Variants in FYB1 observed in about 807,000 individuals in gnomAD.
FYB1 encodes FYN-binding protein 1.
A neutral mutation model predicts 94.1 loss-of-function variants in FYB1; 41 were observed. The ratio of observed to expected loss-of-function variants is 0.44; its 90% CI spans 0.34 to 0.57. FYB1 has a LOEUF of 0.57. Ranked by LOEUF, FYB1 falls within the 20% of genes least tolerant of loss-of-function variation. The pLI is 0.02. For missense variants in FYB1, 1,050 were observed against 976.8 expected (o/e 1.07, Z -1.00); for synonymous variants, 367 against 353.2 (o/e 1.04, Z -0.44).
At chr5:39,118,771 A>C in intron 16 of FYB1, 103 bp downstream of exon 16, 1 of 670,334 alleles carries the variant, frequency 1.5e-6, no homozygotes, top group Non-Finnish European at 2.3e-6. Flanking sequence ...GCAAAAAGAT[A>C]GATAAGAGTT....
intron 1 of FYB1, among the ~76,000 whole-genome samples, chr5:39,257,156 A>T (rs1292083986): frequency 6.6e-6 from 1 of 152,228 alleles, no homozygotes; most frequent in African/African-American, 2.4e-5. Context: ...TGTAGCTCAA[A>T]TCTGAGTATA....
intron 4 of FYB1, chr5:39,140,110 T>C (rs1742033756): frequency 6.6e-6 from 1 of 152,212 alleles, no homozygotes; most frequent in Non-Finnish European, 1.5e-5. Context: ...TTAAATAGCA[T>C]GAATTACAAG....
At chr5:39,137,357 C>G (rs1741757173) in intron 7 of FYB1, 1 of 334,908 alleles carries the variant, frequency 3.0e-6, no homozygotes, top group Non-Finnish European at 5.5e-6. Flanking sequence ...TTCACTCAAT[C>G]AACATAAAAT....
intron 1 of FYB1, among the ~76,000 whole-genome samples, chr5:39,271,491 T>A (rs185909277): frequency 6.6e-6 from 1 of 152,192 alleles, no homozygotes. Context: ...GATTCCTTTT[T>A]TGGTGGTTGC....
At chr5:39,130,823 ATTAAG>A (rs1741134470) in intron 9 of FYB1, among the ~76,000 whole-genome samples, 1 of 152,156 alleles carries the variant, frequency 6.6e-6, no homozygotes, top group African/African-American at 2.4e-5. Flanking sequence ...AACAACAAGA[ATTAAG>A]TTAATTATGC....
At chr5:39,250,510 C>T (rs1013308881) in intron 1 of FYB1, among the ~76,000 whole-genome samples, 11 of 152,222 alleles carry the variant, frequency 7.2e-5, no homozygotes, top group South Asian at 6.2e-4. Flanking sequence ...CAAAATAAAA[C>T]AAAAATATCA....
chr5:39,185,615 T>TATAC lies in FYB1; in HGVS notation c.1135+16210_1135+16211insGTAT, dbSNP rs1393708799. 1.6e-3 allele frequency among the ~76,000 whole-genome samples: 228 copies of TATAC among 141,566 alleles called. 1 individual carries two copies. Among genetic ancestry groups the TATAC allele is most frequent in the African/African-American group, 6.3e-3 (219 of 34,832 alleles). The allele number at this position is 141,566 out of a possible 152,430, so 92.9% of individuals were successfully genotyped here. ...ATATATACATATATATACACATATA[T>TATAC]ATATATACACACATATATATATATA... On this transcript the variant is annotated intron_variant, in intron 2 of 18. Transcript: ENST00000512982.
At chr5:39,265,416 G>A (rs981479151) in intron 1 of FYB1, among the ~76,000 whole-genome samples, 11 of 151,872 alleles carry the variant, frequency 7.2e-5, no homozygotes, top group Admixed American at 2.0e-4. Flanking sequence ...CCCGGGAGGC[G>A]GAGCTTTCAG....
chr5:39,228,793 T>C (rs1642521), intron 1 of FYB1, among the ~76,000 whole-genome samples: 21,141 of 152,126 alleles, frequency 0.14, 3,846 homozygotes, highest in African/African-American at 0.4. Flanking sequence ...TGAGAGCTAA[T>C]AAAGCAAGAT....
intron 3 of FYB1, among the ~76,000 whole-genome samples, chr5:39,143,857 A>G (rs990250235): frequency 3.9e-5 from 6 of 152,206 alleles, no homozygotes; most frequent in African/African-American, 1.4e-4. Context: ...ATAGAAAATT[A>G]AAAATTTAAC....
chr5:39,120,380 C>T (rs1739978309), intron 14 of FYB1, among the ~76,000 whole-genome samples: 1 of 152,030 alleles, frequency 6.6e-6, no homozygotes, highest in Non-Finnish European at 1.5e-5. Flanking sequence ...TAGAAATCCA[C>T]TATATTTTGT....
At chr5:39,121,941 A>T (rs1490972626) in intron 14 of FYB1, among the ~76,000 whole-genome samples, 2 of 152,176 alleles carry the variant, frequency 1.3e-5, no homozygotes, top group African/African-American at 2.4e-5. Flanking sequence ...GGTTTGGGGA[A>T]AACAGTATGA....
In FYB1 at chr5:39,210,028, G is replaced by C. The variant is rs1749217895; in HGVS notation, c.-27-7041C>G. Among the ~76,000 whole-genome samples, 4 of 152,376 alleles carry C rather than the reference G, an allele frequency of 2.6e-5. No homozygotes were observed. The South Asian group carries it at 8.3e-4, about 32-fold the overall frequency. On this transcript the variant is annotated intron_variant, in intron 1 of 18. Coordinates refer to ENST00000512982, the MANE Select transcript of FYB1 (RefSeq NM_001465.6). ...CCTCTTCAACAGGATGTGGGAACTT[G>C]ACTCTCGCCGCAAATTAAGTTCTTG...
At chr5:39,266,585 T>C (rs1752446178) in intron 1 of FYB1, among the ~76,000 whole-genome samples, 1 of 152,170 alleles carries the variant, frequency 6.6e-6, no homozygotes, top group Non-Finnish European at 1.5e-5. Context: ...CCTTTTGGCT[T>C]GCTCCCTTCC....
chr5:39,247,407 G>A lies in FYB1; in HGVS notation c.-28+26996C>T, dbSNP rs28523355. 1.7e-4 allele frequency among the ~76,000 whole-genome samples: 26 copies of A among 151,758 alleles called. 1 individual carries two copies. The highest frequency in any genetic ancestry group is 6.8e-3 in the Middle Eastern group (2 of 294). On this transcript the variant is annotated intron_variant, in intron 1 of 1. Transcript: ENST00000510188. The stretch of plus-strand genomic sequence containing the variant: ...TGACACATGATAAAATCTTTAGTAC[G>A]TATGCACAAATAGAGTCCAATATAC...
At chr5:39,159,637 C>T (rs957516450) in intron 2 of FYB1, among the ~76,000 whole-genome samples, 5 of 152,158 alleles carry the variant, frequency 3.3e-5, no homozygotes, top group African/African-American at 9.7e-5. Context: ...TGACTATCTC[C>T]ACTTGCCCTG....
chr5:39,108,032 T>C (rs1026200652), intron 18 of FYB1, among the ~76,000 whole-genome samples, 199 bp downstream of exon 18: 1 of 152,040 alleles, frequency 6.6e-6, no homozygotes, highest in African/African-American at 2.4e-5. Flanking sequence ...TAAATAAGGT[T>C]TTTCCTTAAT....
intron 1 of FYB1, among the ~76,000 whole-genome samples, chr5:39,270,990 G>A (rs143436514): frequency 4.3e-4 from 65 of 151,854 alleles, no homozygotes; most frequent in African/African-American, 1.4e-3. Context: ...ACACCAAAAT[G>A]TGAATAGCAT....
At position 39,118,886 on chromosome 5, in the gene FYB1, C is replaced by T. The variant is rs1054969715; in HGVS notation, c.2389G>A (p.Glu797Lys). Reference sequence around the variant, plus strand: ...AGCAGTGACTTACATTTCCCTTCTTCATTTCTGCAGAGAACTTTTGTGTCA... The same window carrying T: ...AGCAGTGACTTACATTTCCCTTCTTTATTTCTGCAGAGAACTTTTGTGTCA... ...TDDTKVLCRN[E>K]EGKYGYVLRS... Residue 797 changes from glutamate to lysine, a missense_variant, in exon 16 of 19, where the codon GAA becomes AAA. Physicochemically the swap from Glu to Lys is moderately conservative, Grantham distance 56 (BLOSUM62 1). Coordinates refer to ENST00000512982, the MANE Select transcript of FYB1 (RefSeq NM_001465.6). The T allele has an allele frequency of 1.3e-6, 2 of 1,515,290 alleles. No homozygotes were observed. The highest frequency in any genetic ancestry group is 2.8e-5 in the African/African-American group (2 of 71,562). The allele number at this position is 1,515,290 out of a possible 1,614,324, so 93.9% of individuals were successfully genotyped here.
Sources: allele counts gnomAD v4.1 joint callset (sites outside exome capture counted in the v4.1 genomes callset), GRCh38; gene constraint gnomAD v4.1.1; transcripts MANE v1.5; gene names NCBI Gene and HGNC (gene_info 2026-07-23, HGNC 2026-07-21).